RIMKLB: variants seen among roughly 807,000 people sequenced by gnomAD.
RIMKLB encodes the protein ribosomal modification protein rimK like family member B, also known as beta-citrylglutamate synthase B.
In RIMKLB, 7 loss-of-function variants were observed where a neutral mutation model predicts 32.0. The ratio of observed to expected loss-of-function variants is 0.22; its 90% CI spans 0.12 to 0.41. The LOEUF is 0.41. RIMKLB is among the 10% of genes least tolerant of loss of function. RIMKLB has a pLI of 1.00. For synonymous variants in RIMKLB, 172 were observed against 185.1 expected (o/e 0.93, Z 0.57); for missense variants, 289 against 498.7 (o/e 0.58, Z 4.00).
Position 8,776,385 on chromosome 12 carries a change from C to G in RIMKLB, c.*2601C>G. On this transcript the variant is annotated 3_prime_UTR_variant, in exon 6 of 6. Coordinates refer to ENST00000535829, the MANE Select transcript of RIMKLB (RefSeq NM_001297776.2). ...TAAGAGCAAATCATTCTGGAAGTAC[C>G]TTAAGGAAACAAACAGCAGCAGATA... 1.0e-6 allele frequency: 1 copy of G among 981,874 alleles called. No individual in the cohort carries two copies. The highest frequency in any genetic ancestry group is 1.2e-6 in the Non-Finnish European group (1 of 826,788). 60.8% of individuals were successfully genotyped at this position (981,874 alleles called of 1,614,324 possible). A position where few individuals can be genotyped will look rare whatever the true frequency, so the allele number is the denominator to read the frequency against.
chr12:8,744,008 A>C (rs924719741), intron 2 of RIMKLB, among the ~76,000 whole-genome samples: 3 of 151,980 alleles, frequency 2.0e-5, no homozygotes, highest in African/African-American at 7.3e-5. Context: ...ATGTTTTTAC[A>C]ATGAGAGTGG....
At chr12:8,747,715 A>G (rs114582131) in intron 2 of RIMKLB, among the ~76,000 whole-genome samples, 1,979 of 152,252 alleles carry the variant, frequency 0.013, 40 homozygotes, top group African/African-American at 0.046. Context: ...AAGTAATGAA[A>G]TAAAGCTATA....
chr12:8,777,210 GCTTTCT>G, downstream of RIMKLB: 1 of 588,774 alleles, frequency 1.7e-6, no homozygotes. Context: ...CTGCTTGCTT[GCTTTCT>G]TTTTTTTTTT....
chr12:8,748,558 G>GTGTGTGTA (rs61024080), intron 2 of RIMKLB, among the ~76,000 whole-genome samples: 5 of 56,262 alleles, frequency 8.9e-5, no homozygotes, highest in South Asian at 6.3e-4. Flanking sequence ...GTGTGTGTGT[G>GTGTGTGTA]CATATATATA....
intron 5 of RIMKLB, among the ~76,000 whole-genome samples, chr12:8,754,779 G>GTATA (rs1005432500): frequency 9.2e-5 from 14 of 151,996 alleles, no homozygotes; most frequent in African/African-American, 3.4e-4. Context: ...TCTTATATAT[G>GTATA]TATATATGTA....
At chr12:8,769,374 C>G (rs1268485963) in intron 5 of RIMKLB, among the ~76,000 whole-genome samples, 1 of 151,858 alleles carries the variant, frequency 6.6e-6, no homozygotes, top group African/African-American at 2.4e-5. Flanking sequence ...ATACTCTGGT[C>G]AGGAGAAATA....
intron 1 of RIMKLB, among the ~76,000 whole-genome samples, chr12:8,686,641 G>A (rs1942583878): frequency 6.6e-6 from 1 of 150,750 alleles, no homozygotes. Flanking sequence ...CACCACGCCC[G>A]GCTAATTTTT....
At chr12:8,758,304 C>T (rs1427528930) in intron 5 of RIMKLB, among the ~76,000 whole-genome samples, 3 of 147,968 alleles carry the variant, frequency 2.0e-5, no homozygotes, top group Non-Finnish European at 3.0e-5. Context: ...TATTTTTTAT[C>T]GAGGTGAAGT....
At chr12:8,780,196 C>T (rs1471833237), downstream of RIMKLB, 1 of 152,098 alleles carries the variant, frequency 6.6e-6, no homozygotes, top group Non-Finnish European at 1.5e-5. Flanking sequence ...TTTGGGTAGT[C>T]TCTGAACTTA....
At chr12:8,727,170 C>T (rs1478580474) in intron 2 of RIMKLB, among the ~76,000 whole-genome samples, 1 of 152,214 alleles carries the variant, frequency 6.6e-6, no homozygotes, top group Non-Finnish European at 1.5e-5. Flanking sequence ...CACAGACACA[C>T]ACACACACAG....
chr12:8,672,457 G>T, the RIMKLB span, among the ~76,000 whole-genome samples: 12 of 152,154 alleles, frequency 7.9e-5, no homozygotes, highest in Non-Finnish European at 2.9e-5. Context: ...CACATGGCTG[G>T]GGAGACCTTA....
intron 5 of RIMKLB, among the ~76,000 whole-genome samples, chr12:8,765,499 T>A (rs1949882797): frequency 6.6e-6 from 1 of 152,186 alleles, no homozygotes; most frequent in Non-Finnish European, 1.5e-5. Flanking sequence ...GCAGTAACAT[T>A]ATATCTCTCC....
upstream of RIMKLB, among the ~76,000 whole-genome samples, chr12:8,678,178 A>T (rs11608477): frequency 0.25 from 36,686 of 147,902 alleles, 4,918 homozygotes; most frequent in Non-Finnish European, 0.31. Context: ...TTAATTAAAA[A>T]TTTTTTTTTA....
the RIMKLB span, among the ~76,000 whole-genome samples, chr12:8,676,162 T>C: frequency 6.6e-6 from 1 of 151,918 alleles, no homozygotes; most frequent in Non-Finnish European, 1.5e-5. Context: ...AGCCTCGACC[T>C]CCTGGGCTCA....
downstream of RIMKLB, chr12:8,779,432 G>A (rs1950910326): frequency 6.6e-6 from 1 of 152,156 alleles, no homozygotes; most frequent in South Asian, 2.1e-4. Flanking sequence ...GAGCATCCGT[G>A]GGAACGGCGC....
the RIMKLB span, among the ~76,000 whole-genome samples, chr12:8,674,324 C>T: frequency 6.7e-6 from 1 of 149,026 alleles, no homozygotes; most frequent in South Asian, 2.1e-4. Context: ...CTGCAAGCTC[C>T]ACCTCCCGGG....
intron 5 of RIMKLB, among the ~76,000 whole-genome samples, chr12:8,767,362 A>G (rs935984588): frequency 6.6e-6 from 1 of 152,186 alleles, no homozygotes; most frequent in Admixed American, 6.5e-5. Context: ...GAGAGACACC[A>G]GGGACAAGAC....
chr12:8,750,620 A>G (rs1463982201), intron 3 of RIMKLB, among the ~76,000 whole-genome samples: 1 of 151,840 alleles, frequency 6.6e-6, no homozygotes, highest in Non-Finnish European at 1.5e-5. Flanking sequence ...ACTTCTGGTA[A>G]AAGGGTTTTT....
rs2138362517 is a variant in RIMKLB, at chr12:8,777,045, T to C, written c.*3261T>C. On this transcript the variant is annotated 3_prime_UTR_variant, in exon 6 of 6. Transcript: ENST00000535829. ...GGGCTATTTGGCTGGTGAGACACGA[T>C]CCCCTCCTAAGAAAATGTAGGTGCT... is the stretch of plus-strand genomic sequence containing the variant. The C allele has an allele frequency of 1.0e-6, 1 of 985,810 alleles. No individual in the cohort carries two copies. The highest frequency in any genetic ancestry group is 4.7e-5 in the South Asian group (1 of 21,286). The allele number at this position is 985,810 out of a possible 1,614,324, so 61.1% of individuals were successfully genotyped here.
Sources: gnomAD v4.1 joint callset for allele counts (sites outside exome capture counted in the v4.1 genomes callset) on GRCh38, gnomAD v4.1.1 for gene constraint, MANE v1.5 for transcripts, NCBI Gene and HGNC (gene_info 2026-07-23, HGNC 2026-07-21) for gene names.